PTPRD: variants seen among roughly 807,000 people sequenced by gnomAD.
PTPRD encodes the protein protein tyrosine phosphatase receptor type D.
In PTPRD, 34 loss-of-function variants were observed where a neutral mutation model predicts 214.5. The observed-to-expected ratio is 0.16, with a 90% confidence interval of 0.12 to 0.21. The LOEUF (loss-of-function observed/expected upper bound fraction) is 0.21, where lower values mean the gene tolerates loss of function less well. PTPRD is among the 10% of genes least tolerant of loss of function. The pLI is 1.00. For synonymous variants in PTPRD, 1,128 were observed against 845.7 expected (o/e 1.33, Z -5.79); for missense variants, 2,545 against 2,398.7 (o/e 1.06, Z -1.27).
chr9:9,882,274 A>G (rs568139402), intron 5 of PTPRD, among the ~76,000 whole-genome samples: 1 of 152,148 alleles, frequency 6.6e-6, no homozygotes, highest in African/African-American at 2.4e-5. Context: ...AAATTAGAAT[A>G]TTTTCTAGAG....
chr9:9,012,528 T>C (rs1589774987), intron 11 of PTPRD, among the ~76,000 whole-genome samples: 1 of 152,236 alleles, frequency 6.6e-6, no homozygotes, highest in East Asian at 1.9e-4. Context: ...CCATAGGCGG[T>C]ATAAGTGTCT....
chr9:10,597,981 A>T (rs541650601), intron 2 of PTPRD, among the ~76,000 whole-genome samples: 1 of 151,850 alleles, frequency 6.6e-6, no homozygotes, highest in East Asian at 1.9e-4. Flanking sequence ...TGCATTCTTG[A>T]TGGATGGGTG....
chr9:9,047,069 A>G (rs1030547937), intron 10 of PTPRD, among the ~76,000 whole-genome samples: 15 of 152,200 alleles, frequency 9.9e-5, no homozygotes, highest in Non-Finnish European at 1.8e-4. Flanking sequence ...GTAAAGTTGC[A>G]GAATATAAAA....
intron 6 of PTPRD, among the ~76,000 whole-genome samples, chr9:9,739,878 TC>T (rs1370426276): frequency 1.3e-5 from 2 of 152,128 alleles, no homozygotes; most frequent in Non-Finnish European, 2.9e-5. Context: ...GCTTTCATTT[TC>T]AAACAGCATT....
chr9:10,144,548 C>T (rs1453869997), intron 3 of PTPRD, among the ~76,000 whole-genome samples: 1 of 152,010 alleles, frequency 6.6e-6, no homozygotes, highest in African/African-American at 2.4e-5. Context: ...GCACTCTATC[C>T]AGCAACACTC....
At position 8,637,990 on chromosome 9, in the gene PTPRD, A is replaced by C. The variant is rs562543853; in HGVS notation, c.65-1146T>G. On this transcript the variant is annotated intron_variant, in intron 12 of 45. Coordinates refer to ENST00000381196, the MANE Select transcript of PTPRD (RefSeq NM_002839.4). ...AACACTAATAATGGTGTTCAGGAGG[A>C]GGCATTTTAATTATTTCTCCGACTG... Among the ~76,000 whole-genome samples the C allele has an allele frequency of 6.6e-5, 10 of 152,182 alleles. No individual in the cohort carries two copies. The East Asian group carries it at 1.5e-3, about 23-fold the overall frequency.
intron 12 of PTPRD, among the ~76,000 whole-genome samples, chr9:8,702,844 T>A (rs1292664381): frequency 1.3e-5 from 2 of 152,178 alleles, no homozygotes; most frequent in Non-Finnish European, 2.9e-5. Flanking sequence ...CCTGATCTTG[T>A]GATTCGCCCG....
chr9:9,250,959 T>C (rs928866514), intron 9 of PTPRD, among the ~76,000 whole-genome samples: 2 of 152,204 alleles, frequency 1.3e-5, no homozygotes, highest in African/African-American at 2.4e-5. Flanking sequence ...TCAGCTTTCC[T>C]GATCAGAAAG....
intron 6 of PTPRD, among the ~76,000 whole-genome samples, chr9:9,746,565 G>A (rs867312972): frequency 6.6e-6 from 1 of 152,178 alleles, no homozygotes; most frequent in African/African-American, 2.4e-5. Flanking sequence ...TAAATATTGT[G>A]AGTCGATATT....
chr9:8,929,780 G>GTATATATGTGTGTATATATATGT (rs1272978143), intron 11 of PTPRD, among the ~76,000 whole-genome samples: 1 of 82,422 alleles, frequency 1.2e-5, no homozygotes, highest in Non-Finnish European at 2.2e-5. Flanking sequence ...TATATATATG[G>GTATATATGTGTGTATATATATGT]GTGTGTATAT....
intron 3 of PTPRD, among the ~76,000 whole-genome samples, chr9:10,245,638 A>G (rs1357848337): frequency 6.6e-6 from 1 of 152,228 alleles, no homozygotes; most frequent in African/African-American, 2.4e-5. Context: ...TGTTAGATGT[A>G]TGAATAAATT....
At chr9:9,579,184 T>A (rs555727381) in intron 7 of PTPRD, among the ~76,000 whole-genome samples, 4 of 152,156 alleles carry the variant, frequency 2.6e-5, no homozygotes, top group Non-Finnish European at 5.9e-5. Context: ...ATATATTTAT[T>A]ATGAGTCTAA....
intron 4 of PTPRD, among the ~76,000 whole-genome samples, chr9:9,972,123 G>T (rs186497148): frequency 6.6e-6 from 1 of 151,910 alleles, no homozygotes; most frequent in Non-Finnish European, 1.5e-5. Flanking sequence ...TATTTATCTG[G>T]TTACGTAGAA....
chr9:9,060,084 A>T (rs2099704307), intron 10 of PTPRD, among the ~76,000 whole-genome samples: 1 of 152,230 alleles, frequency 6.6e-6, no homozygotes, highest in African/African-American at 2.4e-5. Context: ...TGCAAATGCT[A>T]AGAATAGCTA....
chr9:9,220,632 A>G (rs2099955335), intron 9 of PTPRD, among the ~76,000 whole-genome samples: 1 of 152,012 alleles, frequency 6.6e-6, no homozygotes, highest in Non-Finnish European at 1.5e-5. Flanking sequence ...GTATCCATTC[A>G]TTTGCATTTC....
intron 11 of PTPRD, among the ~76,000 whole-genome samples, chr9:8,962,538 A>G (rs200206780): frequency 1.3e-5 from 2 of 149,704 alleles, no homozygotes; most frequent in African/African-American, 2.5e-5. Context: ...AGAAGAGAGA[A>G]AGAGAGAGAG....
chr9:9,473,697 T>C (rs2094799779), intron 8 of PTPRD, among the ~76,000 whole-genome samples: 1 of 152,154 alleles, frequency 6.6e-6, no homozygotes, highest in Non-Finnish European at 1.5e-5. Flanking sequence ...ACTTCATCAC[T>C]GTGGTTTTTA....
At chr9:10,351,822 T>C (rs774582230) in intron 2 of PTPRD, among the ~76,000 whole-genome samples, 3 of 151,994 alleles carry the variant, frequency 2.0e-5, no homozygotes, top group Non-Finnish European at 4.4e-5. Flanking sequence ...TAGAACATAA[T>C]AGACACATTC....
intron 2 of PTPRD, among the ~76,000 whole-genome samples, chr9:10,609,502 C>A (rs1168183757): frequency 3.3e-5 from 5 of 152,068 alleles, no homozygotes; most frequent in Non-Finnish European, 5.9e-5. Flanking sequence ...CACTATTAGT[C>A]ATTCCTAAAA....
Sources: allele counts gnomAD v4.1 joint callset (sites outside exome capture counted in the v4.1 genomes callset), GRCh38; gene constraint gnomAD v4.1.1; transcripts MANE v1.5; gene names NCBI Gene and HGNC (gene_info 2026-07-23, HGNC 2026-07-21).